Variants in ARL6IP5 observed in about 807,000 individuals in gnomAD.
ARL6IP5 encodes the protein ARF like GTPase 6 interacting protein 5, also known as PRA1 family protein 3.
A neutral mutation model predicts 13.0 loss-of-function variants in ARL6IP5; 6 were observed. The ratio of observed to expected loss-of-function variants is 0.46; its 90% CI spans 0.25 to 0.91. The LOEUF is 0.91. Ranked by LOEUF, ARL6IP5 falls within the 40% of genes least tolerant of loss-of-function variation. The pLI, the probability that ARL6IP5 is intolerant of heterozygous loss-of-function variation, is 0.17. For synonymous variants in ARL6IP5, 91 were observed against 91.9 expected (o/e 0.99, Z 0.06); for missense variants, 208 against 248.8 (o/e 0.84, Z 1.10).
At chr3:69,099,141 G>C (rs1390833647) in intron 1 of ARL6IP5, among the ~76,000 whole-genome samples, 1 of 131,256 alleles carries the variant, frequency 7.6e-6, no homozygotes, top group Non-Finnish European at 1.7e-5. Flanking sequence ...GGGGGGGTGG[G>C]GGGTGGATCA....
Position 69,105,213 on chromosome 3 carries a change from T to C in ARL6IP5, c.*577T>C, listed in dbSNP as rs2092319033. ...CTTCCTTTACAAATATAAAGATAGC[T>C]GTTTAGGATATTTTGTTACATTTTT... is the stretch of plus-strand genomic sequence containing the variant. On this transcript the variant is annotated 3_prime_UTR_variant, in exon 3 of 3. Coordinates refer to ENST00000273258, the MANE Select transcript of ARL6IP5 (RefSeq NM_006407.4). 4.2e-6 allele frequency: 1 copy of C among 240,356 alleles called. No individual in the cohort carries two copies. Among genetic ancestry groups the C allele is most frequent in the Non-Finnish European group, 8.0e-6 (1 of 124,246 alleles). 14.9% of individuals were successfully genotyped at this position (240,356 alleles called of 1,614,324 possible). A position where few individuals can be genotyped will look rare whatever the true frequency, so the allele number is the denominator to read the frequency against.
At chr3:69,099,135 G>T (rs920745572) in intron 1 of ARL6IP5, among the ~76,000 whole-genome samples, 7 of 98,708 alleles carry the variant, frequency 7.1e-5, no homozygotes, top group South Asian at 4.7e-4. Flanking sequence ...GGGGCGGGGG[G>T]GGTGGGGGGT....
chr3:69,097,075 G>A (rs2092289671), intron 1 of ARL6IP5, among the ~76,000 whole-genome samples: 1 of 151,902 alleles, frequency 6.6e-6, no homozygotes, highest in East Asian at 1.9e-4. Flanking sequence ...AAAAAAATAT[G>A]AAAATAAAAA....
intron 1 of ARL6IP5, among the ~76,000 whole-genome samples, chr3:69,088,811 T>A (rs1370367236): frequency 6.6e-6 from 1 of 152,230 alleles, no homozygotes; most frequent in Admixed American, 6.5e-5. Context: ...TAAGATATTC[T>A]TTTCACATCA....
intron 1 of ARL6IP5, among the ~76,000 whole-genome samples, chr3:69,091,271 G>A (rs1005627180): frequency 2.0e-5 from 3 of 152,124 alleles, no homozygotes; most frequent in African/African-American, 7.2e-5. Flanking sequence ...CAGTGTATGT[G>A]TGTATATGTG....
At chr3:69,093,467 A>G (rs954780792) in intron 1 of ARL6IP5, among the ~76,000 whole-genome samples, 1 of 152,118 alleles carries the variant, frequency 6.6e-6, no homozygotes, top group East Asian at 1.9e-4. Flanking sequence ...CTCAAGACGA[A>G]TTTGTGTCCA....
chr3:69,093,994 CAG>C (rs947621229), intron 1 of ARL6IP5, among the ~76,000 whole-genome samples: 1 of 152,078 alleles, frequency 6.6e-6, no homozygotes, highest in African/African-American at 2.4e-5. Flanking sequence ...GTGCTCTGGT[CAG>C]AGAGACTGAG....
chr3:69,088,091 G>A (rs952841680), intron 1 of ARL6IP5, among the ~76,000 whole-genome samples: 2 of 152,166 alleles, frequency 1.3e-5, no homozygotes, highest in Admixed American at 1.3e-4. Context: ...GCTCAGAGAG[G>A]TTAAATGATT....
chr3:69,098,419 A>G (rs938936481), intron 1 of ARL6IP5, among the ~76,000 whole-genome samples: 1 of 151,748 alleles, frequency 6.6e-6, no homozygotes, highest in Non-Finnish European at 1.5e-5. Flanking sequence ...AATTTTTTGT[A>G]TTTTTAGTAG....
intron 1 of ARL6IP5, among the ~76,000 whole-genome samples, chr3:69,087,108 C>A (rs1385335091): frequency 7.9e-5 from 12 of 152,272 alleles, no homozygotes; most frequent in African/African-American, 2.9e-4. Flanking sequence ...ACAGCCTCAA[C>A]CTCCTGGGCT....
At chr3:69,103,678 C>G (rs769744899) in intron 2 of ARL6IP5, among the ~76,000 whole-genome samples, 2 of 152,116 alleles carry the variant, frequency 1.3e-5, no homozygotes, top group African/African-American at 4.8e-5. Flanking sequence ...AATTCTGGAG[C>G]CTTCCCTCAG....
At chr3:69,102,951 C>T (rs1476898965) in intron 2 of ARL6IP5, among the ~76,000 whole-genome samples, 1 of 152,186 alleles carries the variant, frequency 6.6e-6, no homozygotes, top group Non-Finnish European at 1.5e-5. Context: ...AAAATCCCAG[C>T]CTAATCAGCA....
At chr3:69,088,167 G>A (rs899377179) in intron 1 of ARL6IP5, among the ~76,000 whole-genome samples, 1 of 152,118 alleles carries the variant, frequency 6.6e-6, no homozygotes, top group African/African-American at 2.4e-5. Context: ...GAGTCACAAG[G>A]AAGAAACCAA....
Position 69,096,328 on chromosome 3 carries a change from G to T in ARL6IP5, c.177-5511G>T, listed in dbSNP as rs1408964040. Among the ~76,000 whole-genome samples the T allele has an allele frequency of 9.2e-5, 14 of 152,106 alleles. 1 individual carries two copies. In the East Asian group the frequency reaches 1.9e-3, roughly 21 times the overall value. ...TTGAGTTAGGCCTGGATTTTTCATT[G>T]TTCCTTGTCCTGGACTTTAGGCACT... On this transcript the variant is annotated intron_variant, in intron 1 of 2. Transcript: ENST00000273258.
intron 1 of ARL6IP5, among the ~76,000 whole-genome samples, chr3:69,090,227 A>C (rs560179376): frequency 6.6e-6 from 1 of 152,356 alleles, no homozygotes; most frequent in East Asian, 1.9e-4. Context: ...AGATAGAATG[A>C]GTTGCAGTCT....
At position 69,101,536 on chromosome 3, in the gene ARL6IP5, G is replaced by A. The variant is rs142113568; in HGVS notation, c.177-303G>A. ...GGGTTTTGCCATGTTGCCTGGGTTGGTCTTGAACCCCTGGGCTCAAGTGAT... is the reference window on the plus strand; with the variant it reads ...GGGTTTTGCCATGTTGCCTGGGTTGATCTTGAACCCCTGGGCTCAAGTGAT... On this transcript the variant is annotated intron_variant, in intron 1 of 2. Coordinates refer to ENST00000273258, the MANE Select transcript of ARL6IP5 (RefSeq NM_006407.4). Among the ~76,000 whole-genome samples the A allele has an allele frequency of 3.0e-3, 457 of 151,856 alleles. 3 individuals are homozygous for A. The highest frequency in any genetic ancestry group is 0.024 in the Middle Eastern group (7 of 294).
At chr3:69,100,711 G>A (rs894926676) in intron 1 of ARL6IP5, among the ~76,000 whole-genome samples, 3 of 151,778 alleles carry the variant, frequency 2.0e-5, no homozygotes, top group Non-Finnish European at 1.5e-5. Context: ...AACCCAGGAG[G>A]CAGAGGTTGC....
intron 2 of ARL6IP5, among the ~76,000 whole-genome samples, chr3:69,102,842 A>T (rs1449536588): frequency 6.6e-6 from 1 of 152,220 alleles, no homozygotes; most frequent in East Asian, 1.9e-4. Context: ...TAGGTACTAA[A>T]TACTCAGATT....
At chr3:69,089,531 A>G (rs1433949786) in intron 1 of ARL6IP5, among the ~76,000 whole-genome samples, 4 of 151,712 alleles carry the variant, frequency 2.6e-5, no homozygotes, top group Admixed American at 2.6e-4. Flanking sequence ...CTGGATGGGT[A>G]TAGTGGCTCA....
Sources: gnomAD v4.1 joint callset for allele counts (sites outside exome capture counted in the v4.1 genomes callset) on GRCh38, gnomAD v4.1.1 for gene constraint, MANE v1.5 for transcripts, NCBI Gene and HGNC (gene_info 2026-07-23, HGNC 2026-07-21) for gene names.